The following DCPH1 variants were observed in gnomAD, a reference collection of about 807,000 sequenced individuals.
DCPH1 encodes the protein damage-control phosphatase 1.
the DCPH1 span, chr6:151,464,581 A>G: frequency 6.2e-7 from 1 of 1,610,124 alleles, no homozygotes; most frequent in East Asian, 2.2e-5. Context: ...GACCTAGATG[A>G]AAATCAGCTG....
chr6:151,454,659 A>T, the DCPH1 span: 1 of 1,372,912 alleles, frequency 7.3e-7, no homozygotes. Context: ...GAGAGGTAAG[A>T]ATTGTTTTAA....
chr6:151,459,460 ATAT>A, the DCPH1 span, among the ~76,000 whole-genome samples: 1 of 152,164 alleles, frequency 6.6e-6, no homozygotes, highest in Non-Finnish European at 1.5e-5. Context: ...AGGCTTGTTT[ATAT>A]TATTTAATTT....
chr6:151,464,038 C>G, the DCPH1 span, among the ~76,000 whole-genome samples: 1 of 152,166 alleles, frequency 6.6e-6, no homozygotes, highest in Non-Finnish European at 1.5e-5. Flanking sequence ...ATGATTGCTG[C>G]ATTGTATTCA....
chr6:151,455,739 C>T, the DCPH1 span, among the ~76,000 whole-genome samples: 1 of 152,186 alleles, frequency 6.6e-6, no homozygotes, highest in Non-Finnish European at 1.5e-5. Flanking sequence ...TACACTAATC[C>T]TCCTCAGCAC....
At chr6:151,455,006 T>A in the DCPH1 span, among the ~76,000 whole-genome samples, 2 of 152,202 alleles carry the variant, frequency 1.3e-5, no homozygotes, top group Non-Finnish European at 2.9e-5. Context: ...TAATTTGAGT[T>A]GCAGTATTTA....
the DCPH1 span, chr6:151,464,431 CT>C: frequency 3.8e-6 from 6 of 1,571,964 alleles, no homozygotes; most frequent in Non-Finnish European, 5.2e-6. Context: ...AAATGTTTCA[CT>C]TTGTTTTTCT....
the DCPH1 span, chr6:151,458,596 C>A: frequency 6.5e-7 from 1 of 1,543,340 alleles, no homozygotes; most frequent in South Asian, 1.2e-5. Flanking sequence ...CATCAACTAT[C>A]AAATGTTTAG....
chr6:151,468,013 T>C, the DCPH1 span, among the ~76,000 whole-genome samples: 1 of 152,226 alleles, frequency 6.6e-6, no homozygotes, highest in Non-Finnish European at 1.5e-5. Flanking sequence ...ACTTTGAGCC[T>C]CTCTTCACAC....
At chr6:151,456,216 T>C in the DCPH1 span, among the ~76,000 whole-genome samples, 1 of 152,206 alleles carries the variant, frequency 6.6e-6, no homozygotes, top group African/African-American at 2.4e-5. Flanking sequence ...TTTAAACTTG[T>C]AGGTTCAGTA....
the DCPH1 span, among the ~76,000 whole-genome samples, chr6:151,461,335 C>T: frequency 6.6e-6 from 1 of 152,128 alleles, no homozygotes; most frequent in African/African-American, 2.4e-5. Context: ...CCTGGCTGCA[C>T]ATTTATGACC....
At chr6:151,465,904 A>G in the DCPH1 span, among the ~76,000 whole-genome samples, 1 of 152,142 alleles carries the variant, frequency 6.6e-6, no homozygotes, top group East Asian at 1.9e-4. Flanking sequence ...TTGAGTTCAA[A>G]ACAAAAATTG....
the DCPH1 span, among the ~76,000 whole-genome samples, chr6:151,460,980 C>T: frequency 6.6e-6 from 1 of 152,122 alleles, no homozygotes; most frequent in African/African-American, 2.4e-5. Flanking sequence ...AGAGAGATTT[C>T]TAACATGCCC....
chr6:151,464,897 G>A, the DCPH1 span, among the ~76,000 whole-genome samples: 1 of 152,214 alleles, frequency 6.6e-6, no homozygotes, highest in South Asian at 2.1e-4. Context: ...CTTTTGTCAT[G>A]CTTGAAAGAA....
chr6:151,468,039 A>C, the DCPH1 span, among the ~76,000 whole-genome samples: 2 of 152,250 alleles, frequency 1.3e-5, no homozygotes, highest in African/African-American at 4.8e-5. Context: ...ATGATGTTCT[A>C]ATATCTGCAA....
the DCPH1 span, among the ~76,000 whole-genome samples, chr6:151,466,927 A>G: frequency 1.8e-4 from 27 of 152,152 alleles, no homozygotes; most frequent in Admixed American, 3.3e-4. Context: ...TTTTTTTTAA[A>G]AAAAATTTAT....
chr6:151,468,472 T>C, the DCPH1 span: 1 of 1,613,690 alleles, frequency 6.2e-7, no homozygotes, highest in Non-Finnish European at 8.5e-7. Flanking sequence ...GGAACATCTT[T>C]GGTCATTGCT....
At chr6:151,460,269 T>A in the DCPH1 span, among the ~76,000 whole-genome samples, 82,195 of 151,486 alleles carry the variant, frequency 0.54, 24,977 homozygotes, top group African/African-American at 0.82. Flanking sequence ...TTGTATTTTT[T>A]GTAGAGATGG....
At chr6:151,468,261 A>G in the DCPH1 span, 7 of 883,040 alleles carry the variant, frequency 7.9e-6, no homozygotes, top group Admixed American at 7.7e-5. Context: ...TTTTTTAGCA[A>G]TGTCCCCCCA....
the DCPH1 span, chr6:151,458,456 A>G: frequency 4.3e-6 from 7 of 1,613,624 alleles, no homozygotes; most frequent in South Asian, 2.2e-5. Context: ...ATCAGTACCT[A>G]GAATATCAAC....
Sources: allele counts gnomAD v4.1 joint callset (sites outside exome capture counted in the v4.1 genomes callset), GRCh38; gene constraint gnomAD v4.1.1; transcripts MANE v1.5; gene names NCBI Gene and HGNC (gene_info 2026-07-23, HGNC 2026-07-21).